Variants in SCP2 observed in about 807,000 individuals in gnomAD.
The protein encoded by SCP2 is sterol carrier protein 2.
In SCP2, 48 loss-of-function variants were observed where a neutral mutation model predicts 71.4. The ratio of observed to expected loss-of-function variants is 0.67; its 90% CI spans 0.53 to 0.86. SCP2 has a LOEUF of 0.86. Ranked by LOEUF, SCP2 falls within the 40% of genes least tolerant of loss-of-function variation. The pLI, the probability that SCP2 is intolerant of heterozygous loss-of-function variation, is 0.00. For synonymous variants in SCP2, 220 were observed against 218.1 expected (o/e 1.01, Z -0.08); for missense variants, 560 against 655.6 (o/e 0.85, Z 1.59).
intron 5 of SCP2, among the ~76,000 whole-genome samples, chr1:52,961,282 T>C (rs1170916070): frequency 6.9e-6 from 1 of 145,032 alleles, no homozygotes; most frequent in Non-Finnish European, 1.5e-5. Context: ...GGATGCCCAA[T>C]AAATATTTCT....
intron 11 of SCP2, among the ~76,000 whole-genome samples, chr1:53,013,421 TAAAAAAAAAAAA>T (rs776237493): frequency 8.5e-6 from 1 of 117,216 alleles, no homozygotes; most frequent in African/African-American, 3.4e-5. Context: ...CCGTCTCTAC[TAAAAAAAAAAAA>T]AAAAAAAAAA....
chr1:52,927,410 C>G lies in SCP2; in HGVS notation c.14C>G (p.Pro5Arg). ...ACTGGTGCAGCCATGTCCTCTTCCC[C>G]GTGGGAGCCTGCGACCCTGCGCCGG... Reference protein sequence around the residue: MSSSPWEPATLRRVF... With the variant: MSSSRWEPATLRRVF... Residue 5 changes from proline (P) to arginine (R), a missense_variant, in exon 1 of 16, where the codon CCG (proline) becomes CGG (arginine). Around this residue, in one of 3 missense-constraint regions of SCP2, gnomAD observed 513 missense variants for 573.1 expected, o/e 0.90. Coordinates refer to ENST00000371514, the MANE Select transcript of SCP2 (RefSeq NM_002979.5). 6.3e-7 allele frequency: 1 copy of G among 1,597,850 alleles called. No homozygotes were observed. The highest frequency in any genetic ancestry group is 8.5e-7 in the Non-Finnish European group (1 of 1,173,356).
chr1:52,970,968 ATTTTTTTTTTTTTT>A (rs1200663958), intron 6 of SCP2, among the ~76,000 whole-genome samples: 2 of 70,976 alleles, frequency 2.8e-5, no homozygotes, highest in Non-Finnish European at 4.9e-5. Flanking sequence ...AGAGACACAG[ATTTTTTTTTTTTTT>A]TTTTTTTTTT....
intron 11 of SCP2, among the ~76,000 whole-genome samples, chr1:53,003,872 C>T (rs1469706841): frequency 6.6e-6 from 1 of 152,112 alleles, no homozygotes; most frequent in Admixed American, 6.6e-5. Context: ...TTCATTGTTA[C>T]TGTAGATCTT....
chr1:52,963,743 T>C (rs555183455), intron 6 of SCP2: 19 of 152,340 alleles, frequency 1.2e-4, no homozygotes, highest in African/African-American at 3.8e-4. Flanking sequence ...CTATTTTTCA[T>C]ATGAGGAACC....
intron 11 of SCP2, chr1:52,993,075 C>T: frequency 1.7e-6 from 2 of 1,167,542 alleles, no homozygotes. Flanking sequence ...GCTTCTTGGT[C>T]TAAGGCTAAC....
Position 52,927,288 on chromosome 1 carries a change from T to A in SCP2, c.-109T>A. 1.0e-6 allele frequency: 1 copy of A among 957,050 alleles called. No homozygotes were observed. Among genetic ancestry groups the A allele is most frequent in the Non-Finnish European group, 1.6e-6 (1 of 618,534 alleles). The allele number at this position is 957,050 out of a possible 1,614,324, so 59.3% of individuals were successfully genotyped here. Reference sequence around the variant, plus strand: ...CACGCGCACTCTCACGCGCCTGTGTTGCCGCCCGCGGCCCTGGCTTCGGGC... The same window carrying A: ...CACGCGCACTCTCACGCGCCTGTGTAGCCGCCCGCGGCCCTGGCTTCGGGC... On this transcript the variant is annotated 5_prime_UTR_variant, in exon 1 of 16. Transcript: ENST00000371514.
chr1:52,932,633 GA>G (rs1242777970), intron 1 of SCP2, among the ~76,000 whole-genome samples: 1 of 152,090 alleles, frequency 6.6e-6, no homozygotes, highest in East Asian at 1.9e-4. Context: ...GAGGTCTCTA[GA>G]AAAAAACATT....
chr1:52,994,699 G>A, intron 11 of SCP2: 2 of 691,684 alleles, frequency 2.9e-6, no homozygotes, highest in Non-Finnish European at 2.4e-6. Context: ...CTTGAGGCGA[G>A]CAAAAAAATT....
chr1:52,959,817 T>A (rs1161314100), intron 5 of SCP2, among the ~76,000 whole-genome samples: 2 of 151,986 alleles, frequency 1.3e-5, no homozygotes, highest in African/African-American at 4.8e-5. Flanking sequence ...TTTTCCATGG[T>A]CATCTTTTGT....
chr1:52,995,532 A>C (rs965965993), intron 11 of SCP2: 1 of 443,780 alleles, frequency 2.3e-6, no homozygotes, highest in South Asian at 2.0e-5. Context: ...TTGCCCTCTC[A>C]CCAGCTGTGG....
intron 11 of SCP2, among the ~76,000 whole-genome samples, chr1:53,010,621 T>G (rs1304609718): frequency 6.6e-6 from 1 of 151,800 alleles, no homozygotes; most frequent in Non-Finnish European, 1.5e-5. Flanking sequence ...CACACTGGGG[T>G]CTGTCGTTGG....
intron 13 of SCP2, among the ~76,000 whole-genome samples, chr1:53,038,173 GTATA>G (rs1465113838): frequency 6.8e-6 from 1 of 147,460 alleles, no homozygotes; most frequent in Non-Finnish European, 1.5e-5. Flanking sequence ...ACCTATATGT[GTATA>G]TATATATAAT....
chr1:52,995,585 G>A, intron 11 of SCP2: 1 of 497,776 alleles, frequency 2.0e-6, no homozygotes, highest in South Asian at 1.8e-5. Flanking sequence ...AACTCATCAG[G>A]TAGGATTTCA....
intron 11 of SCP2, among the ~76,000 whole-genome samples, chr1:52,990,343 A>T (rs1486923077): frequency 6.6e-6 from 1 of 152,162 alleles, no homozygotes; most frequent in Non-Finnish European, 1.5e-5. Flanking sequence ...GTCAATAGAG[A>T]CTATCCCTGA....
intron 11 of SCP2, chr1:52,993,525 T>C: frequency 6.2e-7 from 1 of 1,612,476 alleles, no homozygotes; most frequent in Non-Finnish European, 8.5e-7. Flanking sequence ...CCTCTATCTG[T>C]GACTGAAAAG....
At position 53,038,956 on chromosome 1, in the gene SCP2, G is replaced by A. The variant is rs778291738; in HGVS notation, c.1378G>A (p.Ala460Thr). 2.5e-6 allele frequency: 4 copies of A among 1,613,962 alleles called. No individual in the cohort carries two copies. The highest frequency in any genetic ancestry group is 3.4e-6 in the Non-Finnish European group (4 of 1,180,010). The change falls in exon 14 of 16, where the codon GCC becomes ACC. Residue 460 changes from alanine to threonine, a missense_variant. This residue lies in a region of SCP2 where 513 missense variants were observed against 573.1 expected (regional missense o/e 0.90). Coordinates refer to ENST00000371514, the MANE Select transcript of SCP2 (RefSeq NM_002979.5). ...QFVKKIGGIF[A>T]FKVKDGPGGK... ...TGTGAAGAAAATCGGTGGTATTTTT[G>A]CCTTCAAGGTGAAAGATGGCCCTGG...
In SCP2 at chr1:52,980,270, G is replaced by A. The variant is rs931688275; in HGVS notation, c.826-126G>A. On this transcript the variant is annotated intron_variant, in intron 9 of 15. Coordinates refer to ENST00000371514, the MANE Select transcript of SCP2 (RefSeq NM_002979.5). ...ATTATAGGCATGAGCCAATGCACCT[G>A]GGCAAAAATTTAATATATGTGGTCA... 10 of 900,714 alleles carry A rather than the reference G, an allele frequency of 1.1e-5. No homozygotes were observed. In the Admixed American group the frequency reaches 2.6e-4, roughly 24 times the overall value. The allele number at this position is 900,714 out of a possible 1,614,324, so 55.8% of individuals were successfully genotyped here.
intron 6 of SCP2, among the ~76,000 whole-genome samples, chr1:52,972,448 A>G (rs2150159503): frequency 6.6e-6 from 1 of 152,334 alleles, no homozygotes; most frequent in South Asian, 2.1e-4. Flanking sequence ...AAGAAAAGAT[A>G]CGAACATTAT....
Sources: allele counts gnomAD v4.1 joint callset (sites outside exome capture counted in the v4.1 genomes callset), GRCh38; gene constraint gnomAD v4.1.1; regional missense constraint gnomAD v4.1.1; transcripts MANE v1.5; gene names NCBI Gene and HGNC (gene_info 2026-07-23, HGNC 2026-07-21).